Variants in MAGI2 observed in about 807,000 individuals in gnomAD.
The protein encoded by MAGI2 is membrane associated guanylate kinase, WW and PDZ domain containing 2, also known as membrane-associated guanylate kinase, WW and PDZ domain-containing protein 2.
In MAGI2, 35 loss-of-function variants were observed where a neutral mutation model predicts 133.3. The ratio of observed to expected loss-of-function variants is 0.26; its 90% CI spans 0.20 to 0.35. MAGI2 has a LOEUF of 0.35. MAGI2 is among the 10% of genes least tolerant of loss of function. The probability of loss-of-function intolerance (pLI) is 1.00; values close to 1 mark genes in which losing one functional copy is unlikely to be tolerated. For synonymous variants in MAGI2, 729 were observed against 710.6 expected, an observed-to-expected ratio of 1.03 and a Z score of -0.41; for missense variants, 1,636 against 1,863.4, an observed-to-expected ratio of 0.88 and a Z score of 2.25.
At chr7:78,421,725 G>A (rs554360491) in intron 6 of MAGI2, among the ~76,000 whole-genome samples, 30 of 152,210 alleles carry the variant, frequency 2.0e-4, no homozygotes, top group Non-Finnish European at 4.1e-4. Context: ...GATTGATTGA[G>A]GCTGGGAGAT....
chr7:78,977,025 T>C (rs1049037959), intron 2 of MAGI2, among the ~76,000 whole-genome samples: 1 of 151,718 alleles, frequency 6.6e-6, no homozygotes, highest in Admixed American at 6.6e-5. Flanking sequence ...CCCAACTTGG[T>C]CTATAAATCC....
At chr7:78,813,899 T>C (rs994414654) in intron 2 of MAGI2, among the ~76,000 whole-genome samples, 1 of 151,652 alleles carries the variant, frequency 6.6e-6, no homozygotes, top group African/African-American at 2.4e-5. Flanking sequence ...GTACAACACC[T>C]ACAGCTAACA....
At chr7:79,119,836 T>G (rs978186150) in intron 1 of MAGI2, among the ~76,000 whole-genome samples, 20 of 152,036 alleles carry the variant, frequency 1.3e-4, no homozygotes, top group Admixed American at 6.6e-5. Context: ...AAAAAATGCT[T>G]CCTTTACAAG....
chr7:78,992,355 A>G (rs1805873412), intron 2 of MAGI2, among the ~76,000 whole-genome samples: 1 of 152,092 alleles, frequency 6.6e-6, no homozygotes, highest in Admixed American at 6.6e-5. Flanking sequence ...ACTCATGTGT[A>G]CATAATAGCT....
chr7:78,020,442 C>T (rs1374892428), intron 21 of MAGI2, among the ~76,000 whole-genome samples: 1 of 152,134 alleles, frequency 6.6e-6, no homozygotes, highest in African/African-American at 2.4e-5. Flanking sequence ...AGGAAGTCCT[C>T]TGTATTTTTA....
chr7:79,252,718 GATAA>G (rs1410858017), intron 1 of MAGI2, among the ~76,000 whole-genome samples: 3 of 152,064 alleles, frequency 2.0e-5, no homozygotes, highest in East Asian at 3.9e-4. Flanking sequence ...TCATGTGCTT[GATAA>G]ATAAATATAC....
At chr7:78,301,044 G>C (rs1410198474) in intron 9 of MAGI2, among the ~76,000 whole-genome samples, 1 of 152,116 alleles carries the variant, frequency 6.6e-6, no homozygotes, top group African/African-American at 2.4e-5. Flanking sequence ...AACAAAGTGA[G>C]GTGTAAGAAG....
At position 78,235,592 on chromosome 7, in the gene MAGI2, TGAA is replaced by T. The variant is rs1348619497; in HGVS notation, c.2047+20348_2047+20350del. Among the ~76,000 whole-genome samples the T allele has an allele frequency of 4.6e-5, 7 of 152,168 alleles. No individual in the cohort carries two copies. The East Asian group carries it at 1.3e-3, about 29-fold the overall frequency. ...GGCACTTCTCTCTCCTGCTGCCATG[TGAA>T]GAAGGACATGTTTGCTCCCGCTTCT... On this transcript the variant is annotated intron_variant, in intron 10 of 21. Coordinates refer to ENST00000354212, the MANE Select transcript of MAGI2 (RefSeq NM_012301.4).
chr7:79,420,363 C>T (rs1047767610), intron 1 of MAGI2, among the ~76,000 whole-genome samples: 4 of 151,922 alleles, frequency 2.6e-5, no homozygotes, highest in Non-Finnish European at 5.9e-5. Context: ...AACTTAGAAA[C>T]TACTCAAAGT....
intron 6 of MAGI2, among the ~76,000 whole-genome samples, chr7:78,467,751 T>C (rs1306221182): frequency 6.6e-6 from 1 of 152,122 alleles, no homozygotes; most frequent in Non-Finnish European, 1.5e-5. Context: ...CTAGGTTGTT[T>C]ACTATAATAA....
At chr7:79,288,745 G>A (rs1375672336) in intron 1 of MAGI2, among the ~76,000 whole-genome samples, 1 of 152,102 alleles carries the variant, frequency 6.6e-6, no homozygotes, top group Non-Finnish European at 1.5e-5. Flanking sequence ...AAAAGCTAAG[G>A]TCAAGAGAGA....
intron 21 of MAGI2, among the ~76,000 whole-genome samples, chr7:78,022,921 A>G (rs902203139): frequency 6.6e-6 from 1 of 152,268 alleles, no homozygotes; most frequent in Non-Finnish European, 1.5e-5. Context: ...GGGAGAAACT[A>G]AAAACTAAAA....
At chr7:78,218,009 G>A (rs1032416891) in intron 10 of MAGI2, among the ~76,000 whole-genome samples, 1 of 152,216 alleles carries the variant, frequency 6.6e-6, no homozygotes, top group Non-Finnish European at 1.5e-5. Flanking sequence ...GAGACCCTCT[G>A]ATGTCCCACA....
intron 2 of MAGI2, among the ~76,000 whole-genome samples, chr7:78,632,757 G>T (rs549517683): frequency 6.6e-6 from 1 of 152,076 alleles, no homozygotes; most frequent in East Asian, 1.9e-4. Flanking sequence ...AGAAAATGAC[G>T]AGGTTGTGGG....
intron 2 of MAGI2, among the ~76,000 whole-genome samples, chr7:79,002,853 A>G (rs1018067452): frequency 8.1e-6 from 1 of 123,114 alleles, no homozygotes; most frequent in African/African-American, 3.1e-5. Context: ...TGTGGCTTTT[A>G]TTGAAAAGTG....
At chr7:78,944,930 G>A (rs1801294224) in intron 2 of MAGI2, among the ~76,000 whole-genome samples, 1 of 151,880 alleles carries the variant, frequency 6.6e-6, no homozygotes, top group Non-Finnish European at 1.5e-5. Context: ...GTAGAGATGG[G>A]GTTTCATCAT....
At chr7:78,325,994 G>C (rs112687748) in intron 9 of MAGI2, among the ~76,000 whole-genome samples, 2,100 of 152,130 alleles carry the variant, frequency 0.014, 57 homozygotes, top group African/African-American at 0.048. Context: ...AGACTTTATA[G>C]TTTCCTCCTG....
chr7:78,721,082 A>C (rs1820224165), intron 2 of MAGI2, among the ~76,000 whole-genome samples: 1 of 152,076 alleles, frequency 6.6e-6, no homozygotes, highest in Non-Finnish European at 1.5e-5. Context: ...AACTCTAGTA[A>C]GCAATTATAC....
chr7:78,807,210 A>G (rs1301384435), intron 2 of MAGI2, among the ~76,000 whole-genome samples: 1 of 152,052 alleles, frequency 6.6e-6, no homozygotes, highest in Non-Finnish European at 1.5e-5. Context: ...CTCTACTCCA[A>G]AGAGCTTTTG....
Sources: allele counts gnomAD v4.1 joint callset (sites outside exome capture counted in the v4.1 genomes callset), GRCh38; gene constraint gnomAD v4.1.1; transcripts MANE v1.5; gene names NCBI Gene and HGNC (gene_info 2026-07-23, HGNC 2026-07-21).